The following ELP4 variants were observed in gnomAD, a reference collection of about 807,000 sequenced individuals.
ELP4 encodes the protein elongator acetyltransferase complex subunit 4, also known as elongator complex protein 4.
ELP4 carries 51 observed loss-of-function variants against 48.9 expected under a neutral mutation model. The ratio of observed to expected loss-of-function variants is 1.04; its 90% CI spans 0.83 to 1.32. The LOEUF (loss-of-function observed/expected upper bound fraction) is 1.32, where lower values mean the gene tolerates loss of function less well. Ranked by LOEUF, ELP4 falls within the 40% of genes most tolerant of loss-of-function variation. The pLI is 0.00. For synonymous variants in ELP4, 210 were observed against 189.2 expected, an observed-to-expected ratio of 1.11 and a Z score of -0.90; for missense variants, 519 against 514.6, an observed-to-expected ratio of 1.01 and a Z score of -0.08.
intron 3 of ELP4, among the ~76,000 whole-genome samples, chr11:31,570,927 G>A (rs1231412755): frequency 6.8e-6 from 1 of 146,680 alleles, no homozygotes; most frequent in Non-Finnish European, 1.5e-5. Context: ...AGCTTCCCAA[G>A]TAGCTGGGAC....
At chr11:31,597,059 T>C (rs985403769) in intron 4 of ELP4, among the ~76,000 whole-genome samples, 3 of 152,180 alleles carry the variant, frequency 2.0e-5, no homozygotes, top group Admixed American at 6.5e-5. Flanking sequence ...TGTAAAAAGG[T>C]ACAACTTCTG....
intron 9 of ELP4, among the ~76,000 whole-genome samples, chr11:31,746,900 T>G (rs975489709): frequency 2.1e-4 from 31 of 148,880 alleles, no homozygotes; most frequent in Non-Finnish European, 3.3e-4. Flanking sequence ...ATAATAATAA[T>G]TTTTTTAAAA....
At chr11:31,587,202 G>A (rs1957490562) in intron 3 of ELP4, among the ~76,000 whole-genome samples, 1 of 152,104 alleles carries the variant, frequency 6.6e-6, no homozygotes, top group African/African-American at 2.4e-5. Context: ...TTAAGTAAAT[G>A]CAGTTATCAA....
chr11:31,565,342 C>T (rs1215394534), intron 3 of ELP4, among the ~76,000 whole-genome samples: 5 of 151,650 alleles, frequency 3.3e-5, no homozygotes, highest in East Asian at 1.9e-4. Flanking sequence ...ACTCTGATGG[C>T]AGTTTCTTTT....
chr11:31,647,614 T>A, intron 7 of ELP4, 127 bp from the exon 8 acceptor site: 1 of 597,816 alleles, frequency 1.7e-6, no homozygotes, highest in South Asian at 2.3e-5. Context: ...CTTTAACTTT[T>A]AAGTTATTTC....
chr11:31,766,317 T>A (rs993477575), intron 9 of ELP4, among the ~76,000 whole-genome samples: 1 of 152,086 alleles, frequency 6.6e-6, no homozygotes, highest in Non-Finnish European at 1.5e-5. Context: ...CCGGTCCTTA[T>A]TGCAGTTCTA....
At chr11:31,740,807 C>T (rs1480396993) in intron 9 of ELP4, among the ~76,000 whole-genome samples, 3 of 151,976 alleles carry the variant, frequency 2.0e-5, no homozygotes, top group Admixed American at 1.3e-4. Flanking sequence ...CAGCTCCCAG[C>T]GTGAGTGATG....
chr11:31,603,716 T>C (rs761129704), intron 4 of ELP4, 52 bp from the exon 5 acceptor site: 2 of 1,571,316 alleles, frequency 1.3e-6, no homozygotes, highest in African/African-American at 2.7e-5. Flanking sequence ...GACAAATAAA[T>C]TATAGCTTAA....
At chr11:31,738,296 C>T (rs1395645763) in intron 9 of ELP4, among the ~76,000 whole-genome samples, 2 of 149,452 alleles carry the variant, frequency 1.3e-5, no homozygotes, top group East Asian at 2.0e-4. Flanking sequence ...TGCCTGTAGT[C>T]CCAGCTACTC....
chr11:31,534,266 G>GGTTT (rs1554957204), intron 2 of ELP4, among the ~76,000 whole-genome samples: 1 of 148,126 alleles, frequency 6.8e-6, no homozygotes, highest in Non-Finnish European at 1.5e-5. Context: ...GAGGTGGATT[G>GGTTT]GTGTGTGTGT....
At chr11:31,512,229 G>T (rs973593889) in intron 1 of ELP4, 2 of 152,120 alleles carry the variant, frequency 1.3e-5, no homozygotes, top group African/African-American at 4.8e-5. Context: ...AAACTATACT[G>T]TAATATTGTG....
intron 3 of ELP4, among the ~76,000 whole-genome samples, chr11:31,553,784 C>G (rs1357108477): frequency 2.7e-5 from 4 of 150,258 alleles, no homozygotes; most frequent in Admixed American, 2.0e-4. Context: ...TTCAGTTTCT[C>G]TAGAGAGCCT....
rs992108623 is a variant in ELP4, at chr11:31,784,553, T to A, written c.*1029T>A. 3 of 152,236 alleles carry A rather than the reference T, an allele frequency of 2.0e-5. No homozygotes were observed. Among genetic ancestry groups the A allele is most frequent in the African/African-American group, 7.2e-5 (3 of 41,476 alleles). 9.4% of individuals were successfully genotyped at this position (152,236 alleles called of 1,614,324 possible). A position where few individuals can be genotyped will look rare whatever the true frequency, so the allele number is the denominator to read the frequency against. On this transcript the variant is annotated 3_prime_UTR_variant, in exon 10 of 10. Coordinates refer to ENST00000640961, the MANE Select transcript of ELP4 (RefSeq NM_019040.5). Reference sequence around the variant, plus strand: ...TGCATATTTAAGAGTCTTGATTTTTTAAAAGGTGTTTAACATCCATTGGGA... The same window carrying A: ...TGCATATTTAAGAGTCTTGATTTTTAAAAAGGTGTTTAACATCCATTGGGA...
chr11:31,667,515 AACTT>A (rs1417758905), intron 9 of ELP4, among the ~76,000 whole-genome samples: 19 of 152,202 alleles, frequency 1.2e-4, no homozygotes, highest in African/African-American at 4.3e-4. Context: ...ATTTTTAACA[AACTT>A]AATCTGCGTT....
chr11:31,719,814 TAG>T (rs746687727), intron 9 of ELP4: 3 of 218,478 alleles, frequency 1.4e-5, no homozygotes, highest in Non-Finnish European at 2.7e-5. Flanking sequence ...CACCACAAAT[TAG>T]AGAGACTGGT....
chr11:31,771,303 A>T (rs1043968736), intron 9 of ELP4, among the ~76,000 whole-genome samples: 1 of 152,232 alleles, frequency 6.6e-6, no homozygotes, highest in Non-Finnish European at 1.5e-5. Flanking sequence ...CCTTTGGGGA[A>T]ATTCTGTCTC....
At chr11:31,563,415 A>G (rs1424555244) in intron 3 of ELP4, among the ~76,000 whole-genome samples, 1 of 152,176 alleles carries the variant, frequency 6.6e-6, no homozygotes, top group South Asian at 2.1e-4. Flanking sequence ...ATCTGCCAAA[A>G]CAAAGACCAC....
At chr11:31,740,118 A>G (rs893505609) in intron 9 of ELP4, among the ~76,000 whole-genome samples, 5 of 152,206 alleles carry the variant, frequency 3.3e-5, no homozygotes, top group Non-Finnish European at 5.9e-5. Flanking sequence ...TTTGTACTGA[A>G]TTATCTGGTT....
intron 1 of ELP4, among the ~76,000 whole-genome samples, chr11:31,515,713 C>T (rs1490071818): frequency 2.0e-5 from 3 of 152,042 alleles, no homozygotes; most frequent in Non-Finnish European, 4.4e-5. Flanking sequence ...GTAGCTCTTT[C>T]TGAGTACCTT....
Sources: allele counts gnomAD v4.1 joint callset (sites outside exome capture counted in the v4.1 genomes callset), GRCh38; gene constraint gnomAD v4.1.1; transcripts MANE v1.5; gene names NCBI Gene and HGNC (gene_info 2026-07-23, HGNC 2026-07-21).